ABCC11: variants seen among roughly 807,000 people sequenced by gnomAD.
ABCC11 encodes ATP-binding cassette sub-family C member 11.
Under a neutral mutation model 149.3 loss-of-function variants are expected in ABCC11, and 135 were observed. The observed-to-expected ratio is 0.90, with a 90% CI of 0.79 to 1.04. ABCC11 has a LOEUF of 1.04. Among genes scored for constraint, ABCC11 ranks in the 50% least tolerant of loss-of-function variants. ABCC11 has a pLI of 0.00. For synonymous variants in ABCC11, 665 were observed against 671.4 expected, an observed-to-expected ratio of 0.99 and a Z score of 0.15; for missense variants, 1,680 against 1,722.1, an observed-to-expected ratio of 0.98 and a Z score of 0.43.
At chr16:48,187,552 T>C (rs1308331603) in intron 20 of ABCC11, 125 bp from the exon 21 acceptor site, 1 of 750,594 alleles carries the variant, frequency 1.3e-6, no homozygotes. Context: ...GGGCAGGCAA[T>C]GTAGAGCAAT....
At chr16:48,211,708 AT>A (rs940392964) in intron 10 of ABCC11, among the ~76,000 whole-genome samples, 95 of 152,208 alleles carry the variant, frequency 6.2e-4, no homozygotes, top group African/African-American at 2.2e-3. Context: ...ACTTGTAGCT[AT>A]TGAAAATAAA....
chr16:48,231,680 A>T, intron 2 of ABCC11, 143 bp downstream of exon 2: 6 of 1,072,824 alleles, frequency 5.6e-6, no homozygotes, highest in African/African-American at 1.6e-5. Flanking sequence ...AAAAAAAGAG[A>T]GAGAGAGAGA....
At chr16:48,233,746 G>C (rs549398778) in intron 1 of ABCC11, among the ~76,000 whole-genome samples, 5 of 152,336 alleles carry the variant, frequency 3.3e-5, no homozygotes, top group African/African-American at 9.6e-5. Context: ...TCCTTGCAAA[G>C]GGCTGCCTCA....
chr16:48,206,062 G>A (rs1028428538), intron 12 of ABCC11, among the ~76,000 whole-genome samples: 3 of 152,086 alleles, frequency 2.0e-5, no homozygotes, highest in South Asian at 2.1e-4. Context: ...TGTCCGCCTC[G>A]GCCTCCCAAA....
At chr16:48,228,915 T>C (rs1970253397) in intron 3 of ABCC11, among the ~76,000 whole-genome samples, 1 of 152,098 alleles carries the variant, frequency 6.6e-6, no homozygotes, top group Non-Finnish European at 1.5e-5. Flanking sequence ...TTTTTTTTTT[T>C]CAAAATTGCC....
intron 6 of ABCC11, 51 bp from the exon 7 acceptor site, chr16:48,216,338 G>C: frequency 6.3e-7 from 1 of 1,578,948 alleles, no homozygotes; most frequent in Non-Finnish European, 8.7e-7. Context: ...TGGGTACACA[G>C]AAGGGGTGGC....
chr16:48,230,380 T>G, intron 3 of ABCC11, 57 bp downstream of exon 3: 7 of 1,492,126 alleles, frequency 4.7e-6, no homozygotes, highest in Non-Finnish European at 9.0e-7. Flanking sequence ...TTGGGAGGGT[T>G]GGGGATCATT....
rs2150809144 is a variant in ABCC11 at position 48,198,073 on chromosome 16, G to C, written c.2218-6C>G. On this transcript the variant is annotated splice_region_variant and splice_polypyrimidine_tract_variant and intron_variant, in intron 16 of 29. Coordinates refer to ENST00000356608, the MANE Select transcript of ABCC11 (RefSeq NM_001370497.1). ...GCTGTGTCCTGCAACATGTCCTGGG[G>C]AGAGAGCACAGGCCCTGAGTACACG... 1.9e-6 allele frequency: 3 copies of C among 1,614,214 alleles called. No individual in the cohort carries two copies. The highest frequency in any genetic ancestry group is 2.5e-6 in the Non-Finnish European group (3 of 1,180,052).
chr16:48,191,885 C>A (rs570167972), intron 20 of ABCC11, among the ~76,000 whole-genome samples: 2 of 152,010 alleles, frequency 1.3e-5, no homozygotes, highest in Non-Finnish European at 2.9e-5. Context: ...TGTTAAATGA[C>A]GAGTTACTGG....
intron 12 of ABCC11, 30 bp from the exon 13 acceptor site, chr16:48,205,567 C>A (rs1206211142): frequency 4.3e-6 from 7 of 1,610,452 alleles, no homozygotes; most frequent in African/African-American, 2.7e-5. Flanking sequence ...GCCTCAGGAC[C>A]AATTGGGCCA....
At chr16:48,176,580 C>T (rs972397287) in intron 25 of ABCC11, among the ~76,000 whole-genome samples, 2 of 152,144 alleles carry the variant, frequency 1.3e-5, no homozygotes, top group Non-Finnish European at 2.9e-5. Context: ...GGACCCTATA[C>T]CCCTCAGCTT....
In ABCC11 at chr16:48,227,753, C is replaced by A. The variant is rs530703496; in HGVS notation, c.395+53G>T. 837 of 1,609,512 alleles carry A rather than the reference C, an allele frequency of 5.2e-4. 13 individuals carry two copies. The South Asian group carries it at 6.7e-3, about 13-fold the overall frequency. On this transcript the variant is annotated intron_variant, in intron 4 of 29. Transcript: ENST00000356608. ...CCTTAGGCATCTCTGGTCATTATCC[C>A]ACCAAGAGATTGTCTTTTAACCTAT...
At chr16:48,201,537 C>G (rs1368298001) in intron 14 of ABCC11, among the ~76,000 whole-genome samples, 3 of 141,266 alleles carry the variant, frequency 2.1e-5, no homozygotes, top group Admixed American at 1.5e-4. Flanking sequence ...GTCTCAAACT[C>G]CTGGGCTCAA....
intron 10 of ABCC11, among the ~76,000 whole-genome samples, chr16:48,212,514 G>A (rs928627850): frequency 7.2e-5 from 11 of 152,204 alleles, no homozygotes; most frequent in Non-Finnish European, 1.0e-4. Context: ...ATCCTGGGCC[G>A]CATGCGACCT....
chr16:48,228,612 C>A (rs1302041240), intron 3 of ABCC11, among the ~76,000 whole-genome samples: 1 of 150,008 alleles, frequency 6.7e-6, no homozygotes, highest in Non-Finnish European at 1.5e-5. Flanking sequence ...AAAAAAAAAA[C>A]TCAGTATTTT....
rs375180799 is a variant in ABCC11 at position 48,187,420 on chromosome 16, C to T, written c.2714G>A (p.Arg905His). ...LHNKLFNKVF[R>H]CPMSFFDTIP... ...GGTGTCAAAGAAACTCATGGGGCAG[C>T]GGAAAACCTGCAGGGACAAAATCAA... Residue 905 changes from arginine (R) to histidine (H), a missense_variant, in exon 21 of 30, where the codon CGC (arginine) becomes CAC (histidine). Physicochemically the swap from Arg to His is conservative, Grantham distance 29. Transcript: ENST00000356608. The T allele has an allele frequency of 1.9e-4, 306 of 1,610,810 alleles. No homozygotes were observed. Among genetic ancestry groups the T allele is most frequent in the Admixed American group, 2.3e-4 (14 of 59,594 alleles).
intron 29 of ABCC11, 41 bp downstream of exon 29, chr16:48,167,455 G>A (rs1291473163): frequency 1.9e-6 from 3 of 1,612,886 alleles, no homozygotes; most frequent in South Asian, 1.1e-5. Flanking sequence ...GTAGCAGCCT[G>A]AGCCCTCATC....
At chr16:48,245,530 T>C (rs931847243) in intron 1 of ABCC11, among the ~76,000 whole-genome samples, 6 of 152,174 alleles carry the variant, frequency 3.9e-5, no homozygotes, top group African/African-American at 1.2e-4. Flanking sequence ...CAAATTGAGA[T>C]GATAGAATTG....
chr16:48,203,115 TC>T, intron 14 of ABCC11, 112 bp downstream of exon 14: 1 of 1,211,668 alleles, frequency 8.3e-7, no homozygotes, highest in East Asian at 2.6e-5. Flanking sequence ...CAGGAAAAAC[TC>T]CAACTGCTTT....
Sources: allele counts gnomAD v4.1 joint callset (sites outside exome capture counted in the v4.1 genomes callset), GRCh38; gene constraint gnomAD v4.1.1; transcripts MANE v1.5; gene names NCBI Gene and HGNC (gene_info 2026-07-23, HGNC 2026-07-21).